The following AIFM1 variants were observed in gnomAD, a reference collection of about 807,000 sequenced individuals.
AIFM1 encodes the protein apoptosis-inducing factor 1, mitochondrial.
Under a neutral mutation model 51.7 loss-of-function variants are expected in AIFM1, and 3 were observed. The ratio of observed to expected loss-of-function variants is 0.06; its 90% CI spans 0.03 to 0.15. The LOEUF (loss-of-function observed/expected upper bound fraction) is 0.15, where lower values mean the gene tolerates loss of function less well. Among genes scored for constraint, AIFM1 ranks in the 10% least tolerant of loss-of-function variants. AIFM1 has a pLI of 1.00. For synonymous variants in AIFM1, 178 were observed against 179.4 expected, an observed-to-expected ratio of 0.99 and a Z score of 0.06; for missense variants, 330 against 476.8, an observed-to-expected ratio of 0.69 and a Z score of 2.87.
chrX:130,150,898 C>T (rs1170240133), intron 2 of AIFM1, among the ~76,000 whole-genome samples: 1 of 92,589 alleles, frequency 1.1e-5, no homozygotes, highest in African/African-American at 4.2e-5. Context: ...TTGCTTGAAC[C>T]CAGGAGGTGG....
chrX:130,146,451 A>ATGTGTGTGTGTGTGTGTGTGTGTG (rs60694841), intron 5 of AIFM1, among the ~76,000 whole-genome samples: 2 of 89,435 alleles, frequency 2.2e-5, no homozygotes, highest in African/African-American at 8.4e-5. Context: ...CTCTCAAAAT[A>ATGTGTGTGTGTGTGTGTGTGTGTG]TGTGTGTGTG....
intron 5 of AIFM1, 36 bp from the exon 6 acceptor site, chrX:130,145,605 G>A: frequency 3.8e-6 from 4 of 1,049,473 alleles, no homozygotes; most frequent in Non-Finnish European, 5.3e-6. Flanking sequence ...TTATAAGCAT[G>A]TGGAACTGTT....
chrX:130,158,704 TAAAAAAAAAAAA>T lies in AIFM1; in HGVS notation c.107-2113_107-2102del, dbSNP rs56253125. Among the ~76,000 whole-genome samples the T allele has an allele frequency of 3.4e-3, 148 of 44,065 alleles. 1 individual carries two copies. The highest frequency in any genetic ancestry group is 4.9e-3 in the Non-Finnish European group (123 of 24,882). The allele number at this position is 44,065 out of a possible 115,157, so 38.3% of individuals were successfully genotyped here. On this transcript the variant is annotated intron_variant, in intron 1 of 15. Transcript: ENST00000287295. ...CTAACACTAACCATAGCTGATGAGC[TAAAAAAAAAAAA>T]AAAAAAAAAAAAAAAATCGCAAAAA...
chrX:130,132,742 C>CTTTTTTT (rs898776932), intron 13 of AIFM1, among the ~76,000 whole-genome samples: 1 of 69,886 alleles, frequency 1.4e-5, no homozygotes, highest in East Asian at 3.8e-4. Context: ...TCTGACACTC[C>CTTTTTTT]TTTTTTTTTT....
At chrX:130,161,526 A>C (rs1430200708) in intron 1 of AIFM1, among the ~76,000 whole-genome samples, 11 of 108,419 alleles carry the variant, frequency 1.0e-4, no homozygotes, top group Non-Finnish European at 2.1e-4. Context: ...AAAAAAAAAA[A>C]AAAAAACACA....
At chrX:130,145,787 G>C (rs1341725736) in intron 5 of AIFM1, among the ~76,000 whole-genome samples, 4 of 111,922 alleles carry the variant, frequency 3.6e-5, no homozygotes, top group African/African-American at 1.3e-4. Flanking sequence ...GGGGATGTTT[G>C]CCAGTGTCCA....
intron 2 of AIFM1, 82 bp downstream of exon 2, chrX:130,156,377 CAA>C: frequency 8.5e-7 from 1 of 1,170,589 alleles, no homozygotes; most frequent in Non-Finnish European, 1.2e-6. Context: ...GAATTAGTTG[CAA>C]AAGTTTTAAA....
chrX:130,153,178 C>CA (rs34591824), intron 2 of AIFM1, among the ~76,000 whole-genome samples: 574 of 43,882 alleles, frequency 0.013, 3 homozygotes, highest in African/African-American at 0.026. Flanking sequence ...ACTAAAAATA[C>CA]AAAAAAAAAA....
chrX:130,155,355 T>G, intron 2 of AIFM1: 2 of 1,153,028 alleles, frequency 1.7e-6, no homozygotes, highest in Non-Finnish European at 2.4e-6. Context: ...TGAAGAAACA[T>G]TCAATACAAA....
At chrX:130,163,291 C>T (rs749986612) in intron 1 of AIFM1, among the ~76,000 whole-genome samples, 45 of 84,556 alleles carry the variant, frequency 5.3e-4, no homozygotes, top group African/African-American at 2.2e-3. Context: ...GGAAACTGAG[C>T]GAGACTCCGC....
At chrX:130,135,905 T>C in intron 12 of AIFM1, 140 bp downstream of exon 12, 3 of 841,666 alleles carry the variant, frequency 3.6e-6, no homozygotes, top group Non-Finnish European at 5.3e-6. Flanking sequence ...AGTTCACACA[T>C]TTCTATTCTG....
chrX:130,165,069 T>C (rs960732076), intron 1 of AIFM1, among the ~76,000 whole-genome samples: 3 of 110,336 alleles, frequency 2.7e-5, no homozygotes, highest in Non-Finnish European at 3.8e-5. Context: ...TTACTTGCCC[T>C]GCACCGTTTC....
intron 7 of AIFM1, among the ~76,000 whole-genome samples, chrX:130,140,087 G>A (rs1308016131): frequency 8.9e-6 from 1 of 112,108 alleles, no homozygotes; most frequent in Non-Finnish European, 1.9e-5. Context: ...GTCTTCAAGG[G>A]GTACACCCTG....
rs33994471 is a variant in AIFM1, at chrX:130,135,439, T to TTTAAA, written c.1305+605_1305+606insTTTAA. Among the ~76,000 whole-genome samples the TTTAAA allele has an allele frequency of 6.8e-3, 494 of 72,951 alleles. 4 individuals are homozygous for TTTAAA. The highest frequency in any genetic ancestry group is 0.024 in the African/African-American group (412 of 16,947). 63.3% of individuals were successfully genotyped at this position (72,951 alleles called of 115,157 possible). A position where few individuals can be genotyped will look rare whatever the true frequency, so the allele number is the denominator to read the frequency against. Reference sequence around the variant, plus strand: ...AAGATCCAGTACATCTTTTTTTTTTTAAAAAAAAAAAAAAAAACAAGGTTT... The same window carrying TTTAAA: ...AAGATCCAGTACATCTTTTTTTTTTTTTAAAAAAAAAAAAAAAAAAAACAAGGTTT... On this transcript the variant is annotated intron_variant, in intron 12 of 15. Transcript: ENST00000287295.
At chrX:130,143,660 G>A (rs985271054) in intron 6 of AIFM1, among the ~76,000 whole-genome samples, 6 of 105,912 alleles carry the variant, frequency 5.7e-5, no homozygotes, top group Non-Finnish European at 1.2e-4. Context: ...AGACCAACCT[G>A]GCCTACATGG....
At chrX:130,150,369 T>A (rs1288984871) in intron 2 of AIFM1, among the ~76,000 whole-genome samples, 19 of 82,267 alleles carry the variant, frequency 2.3e-4, no homozygotes, top group Non-Finnish European at 4.3e-4. Context: ...GGAGTCTCGC[T>A]CTGTTGCCCA....
chrX:130,145,684 G>GT lies in AIFM1; in HGVS notation c.606-116dup, dbSNP rs763985236. On this transcript the variant is annotated intron_variant, in intron 5 of 15. Coordinates refer to ENST00000287295, the MANE Select transcript of AIFM1 (RefSeq NM_004208.4). ...GAAACTTTAAGGGACGTTTTCCAAA[G>GT]TAAGTCTCCAAGTCTATTAAATCAT... 1.1e-5 allele frequency: 6 copies of GT among 560,870 alleles called. No individual in the cohort carries two copies. In the Admixed American group the frequency reaches 1.4e-4, roughly 13 times the overall value. 46.2% of individuals were successfully genotyped at this position (560,870 alleles called of 1,213,427 possible).
At chrX:130,131,221 C>T (rs1348390612) in intron 14 of AIFM1, among the ~76,000 whole-genome samples, 1 of 111,837 alleles carries the variant, frequency 8.9e-6, no homozygotes, top group Non-Finnish European at 1.9e-5. Flanking sequence ...CAGCCCAGTT[C>T]CTCCCTGCGC....
intron 1 of AIFM1, among the ~76,000 whole-genome samples, chrX:130,160,753 T>G (rs2031318191): frequency 9.0e-6 from 1 of 110,696 alleles, no homozygotes. Flanking sequence ...GCAAAGAAAT[T>G]TTAGCCAGGG....
Sources: allele counts gnomAD v4.1 joint callset (sites outside exome capture counted in the v4.1 genomes callset), GRCh38; gene constraint gnomAD v4.1.1; transcripts MANE v1.5; gene names NCBI Gene and HGNC (gene_info 2026-07-23, HGNC 2026-07-21).